Variants in RBFOX1 observed in about 807,000 individuals in gnomAD.
The protein encoded by RBFOX1 is RNA binding fox-1 homolog 1.
A neutral mutation model predicts 57.7 loss-of-function variants in RBFOX1; 8 were observed. The observed-to-expected ratio is 0.14, with a 90% CI of 0.08 to 0.25. The LOEUF (loss-of-function observed/expected upper bound fraction) is 0.25, where lower values mean the gene tolerates loss of function less well. Among genes scored for constraint, RBFOX1 ranks in the 10% least tolerant of loss-of-function variants. The pLI, the probability that RBFOX1 is intolerant of heterozygous loss-of-function variation, is 1.00. For synonymous variants in RBFOX1, 326 were observed against 222.4 expected (o/e 1.47, Z -4.15); for missense variants, 611 against 548.5 (o/e 1.11, Z -1.14).
chr16:7,549,889 C>T lies in RBFOX1; in HGVS notation c.271-29888C>T, dbSNP rs190272651. On this transcript the variant is annotated intron_variant, in intron 5 of 15. Transcript: ENST00000550418. Reference sequence around the variant, plus strand: ...TACTTTGCCTCCTTCAGTCCAATCACGTTGACAATATTAACCATCATCATA... The same window carrying T: ...TACTTTGCCTCCTTCAGTCCAATCATGTTGACAATATTAACCATCATCATA... Among the ~76,000 whole-genome samples, 491 of 152,200 alleles carry T rather than the reference C, an allele frequency of 3.2e-3. 3 individuals are homozygous for T. The highest frequency in any genetic ancestry group is 0.011 in the African/African-American group (463 of 41,536).
chr16:5,310,368 T>C (rs1161488285), intron 1 of RBFOX1, among the ~76,000 whole-genome samples: 1 of 151,846 alleles, frequency 6.6e-6, no homozygotes, highest in African/African-American at 2.4e-5. Flanking sequence ...GCCACTGTAC[T>C]CCACCCTGGG....
At chr16:5,254,883 G>A (rs982573367) in intron 1 of RBFOX1, among the ~76,000 whole-genome samples, 5 of 152,162 alleles carry the variant, frequency 3.3e-5, no homozygotes, top group African/African-American at 1.2e-4. Context: ...AGCGAAGAGG[G>A]TGAGCCTTTT....
At chr16:7,462,158 C>T (rs577170714) in intron 4 of RBFOX1, among the ~76,000 whole-genome samples, 20 of 152,318 alleles carry the variant, frequency 1.3e-4, no homozygotes, top group African/African-American at 4.8e-4. Flanking sequence ...CCTGCCCAGC[C>T]TTCGGAGGGA....
intron 3 of RBFOX1, among the ~76,000 whole-genome samples, chr16:6,906,047 G>A (rs982499262): frequency 1.3e-5 from 2 of 152,160 alleles, no homozygotes; most frequent in South Asian, 2.1e-4. Flanking sequence ...GTAGAATCAG[G>A]AACAGTGAGC....
chr16:7,195,244 G>C (rs754088472), intron 4 of RBFOX1, among the ~76,000 whole-genome samples: 12 of 152,160 alleles, frequency 7.9e-5, no homozygotes, highest in Non-Finnish European at 1.8e-4. Context: ...TGGTGATAAT[G>C]TCTCTGGCTG....
chr16:7,601,128 T>C (rs1466246700), intron 9 of RBFOX1, among the ~76,000 whole-genome samples: 1 of 152,140 alleles, frequency 6.6e-6, no homozygotes, highest in Non-Finnish European at 1.5e-5. Flanking sequence ...TTAGAGATGT[T>C]AGGAAGGATG....
chr16:6,539,616 G>T (rs1185123687), intron 2 of RBFOX1, among the ~76,000 whole-genome samples: 1 of 151,938 alleles, frequency 6.6e-6, no homozygotes, highest in African/African-American at 2.4e-5. Context: ...TGCCCTACAT[G>T]GTGGAACCCC....
intron 2 of RBFOX1, among the ~76,000 whole-genome samples, chr16:6,347,522 T>C (rs1029298727): frequency 2.0e-5 from 3 of 152,196 alleles, no homozygotes; most frequent in East Asian, 3.9e-4. Flanking sequence ...GTGTCAATCA[T>C]GGGGCGCTGT....
At chr16:6,874,261 G>C (rs1444177679) in intron 3 of RBFOX1, among the ~76,000 whole-genome samples, 1 of 152,106 alleles carries the variant, frequency 6.6e-6, no homozygotes, top group African/African-American at 2.4e-5. Context: ...TGTAATCCCA[G>C]CACTTCGGGA....
intron 2 of RBFOX1, among the ~76,000 whole-genome samples, chr16:6,625,492 A>G (rs1461583708): frequency 6.6e-6 from 1 of 152,126 alleles, no homozygotes; most frequent in Non-Finnish European, 1.5e-5. Context: ...TTCCTTTTCT[A>G]GGTATTTCTG....
chr16:6,958,587 T>G (rs781584076), intron 3 of RBFOX1, among the ~76,000 whole-genome samples: 8 of 152,192 alleles, frequency 5.3e-5, no homozygotes, highest in Non-Finnish European at 1.0e-4. Flanking sequence ...ACGGAATATT[T>G]CCTTTCAACA....
rs1436924635 is a variant in RBFOX1 at position 7,161,107 on chromosome 16, T to C, written c.27+109009T>C. Among the ~76,000 whole-genome samples the C allele has an allele frequency of 2.6e-5, 4 of 152,302 alleles. No homozygotes were observed. The East Asian group carries it at 7.7e-4, about 29-fold the overall frequency. Reference sequence around the variant, plus strand: ...ATATTTGCAGAGTGTATTTAGTGTTTACATCAAGACCAACCTCTGGGATTA... The same window carrying C: ...ATATTTGCAGAGTGTATTTAGTGTTCACATCAAGACCAACCTCTGGGATTA... On this transcript the variant is annotated intron_variant, in intron 4 of 15. Transcript: ENST00000550418.
intron 2 of RBFOX1, among the ~76,000 whole-genome samples, chr16:6,454,293 A>G (rs781721486): frequency 3.3e-5 from 5 of 152,232 alleles, no homozygotes; most frequent in Non-Finnish European, 5.9e-5. Flanking sequence ...ATGGTGGCTC[A>G]TTCCTGCAAC....
At chr16:5,293,807 G>T (rs947031903) in intron 1 of RBFOX1, among the ~76,000 whole-genome samples, 2 of 151,666 alleles carry the variant, frequency 1.3e-5, no homozygotes, top group African/African-American at 4.8e-5. Flanking sequence ...TTGGGGGGGC[G>T]GGGGGTGTTA....
chr16:7,103,864 T>G (rs528723840), intron 4 of RBFOX1, among the ~76,000 whole-genome samples: 1 of 152,282 alleles, frequency 6.6e-6, no homozygotes, highest in South Asian at 2.1e-4. Context: ...TACCTAGTGA[T>G]ACCATTTGCA....
intron 1 of RBFOX1, among the ~76,000 whole-genome samples, chr16:6,098,258 G>A (rs1053621799): frequency 5.3e-5 from 8 of 152,222 alleles, no homozygotes; most frequent in Non-Finnish European, 8.8e-5. Context: ...GCAGTGCCAA[G>A]GGGCTGTGAC....
intron 2 of RBFOX1, among the ~76,000 whole-genome samples, chr16:6,592,583 A>T (rs540829006): frequency 6.6e-6 from 1 of 152,336 alleles, no homozygotes; most frequent in Non-Finnish European, 1.5e-5. Flanking sequence ...TGGCTCCACC[A>T]TGTAATACCT....
chr16:7,267,732 T>C (rs1281630597), intron 4 of RBFOX1, among the ~76,000 whole-genome samples: 3 of 152,076 alleles, frequency 2.0e-5, no homozygotes, highest in Admixed American at 2.0e-4. Context: ...AGTGCGTGCC[T>C]GTAGTCCCAG....
At chr16:6,611,670 C>T (rs112625613) in intron 2 of RBFOX1, among the ~76,000 whole-genome samples, 30 of 152,308 alleles carry the variant, frequency 2.0e-4, no homozygotes, top group African/African-American at 6.5e-4. Flanking sequence ...TTTATCAGAG[C>T]AAGGATGATT....
Sources: allele counts gnomAD v4.1 joint callset (sites outside exome capture counted in the v4.1 genomes callset), GRCh38; gene constraint gnomAD v4.1.1; transcripts MANE v1.5; gene names NCBI Gene and HGNC (gene_info 2026-07-23, HGNC 2026-07-21).